Variants in GRK6 observed in about 807,000 individuals in gnomAD.
The protein encoded by GRK6 is G protein-coupled receptor kinase 6.
A neutral mutation model predicts 80.8 loss-of-function variants in GRK6; 37 were observed. That is an observed-to-expected ratio of 0.46 (90% CI 0.35 to 0.60). GRK6 has a LOEUF of 0.60. Among genes scored for constraint, GRK6 ranks in the 20% least tolerant of loss-of-function variants. The pLI is 0.00. For synonymous variants in GRK6, 295 were observed against 320.9 expected, an observed-to-expected ratio of 0.92 and a Z score of 0.86; for missense variants, 560 against 784.6, an observed-to-expected ratio of 0.71 and a Z score of 3.42.
chr5:177,431,212 T>G (rs1183710980), intron 2 of GRK6, among the ~76,000 whole-genome samples: 1 of 152,162 alleles, frequency 6.6e-6, no homozygotes, highest in Non-Finnish European at 1.5e-5. Flanking sequence ...CAGGGGCAGA[T>G]TGGGGCAGTT....
At chr5:177,441,157 A>T in intron 15 of GRK6, 104 bp downstream of exon 15, 1 of 1,513,646 alleles carries the variant, frequency 6.6e-7, no homozygotes, top group South Asian at 1.2e-5. Context: ...GGCGTCCTCC[A>T]GTCCTGTTGT....
At chr5:177,425,963 T>G (rs975526878), upstream of GRK6, among the ~76,000 whole-genome samples, 1 of 152,220 alleles carries the variant, frequency 6.6e-6, no homozygotes, top group African/African-American at 2.4e-5. Context: ...CGCTGCCTTA[T>G]AAGGCGGCAG....
chr5:177,436,618 T>C, intron 13 of GRK6, 88 bp downstream of exon 13: 2 of 1,273,390 alleles, frequency 1.6e-6, no homozygotes, highest in Non-Finnish European at 2.2e-6. Flanking sequence ...ATGCTTCCAG[T>C]GCAAGTGGCA....
intron 11 of GRK6, 54 bp from the exon 12 acceptor site, chr5:177,436,019 G>A (rs1764130410): frequency 2.0e-6 from 3 of 1,502,850 alleles, no homozygotes; most frequent in Non-Finnish European, 2.8e-6. Flanking sequence ...CCTGGGGCCT[G>A]AGGGTCCACT....
intron 3 of GRK6, 50 bp downstream of exon 3, chr5:177,432,157 C>A (rs1395226270): frequency 1.9e-5 from 31 of 1,606,496 alleles, no homozygotes; most frequent in Non-Finnish European, 2.5e-5. Flanking sequence ...GAGGTCCTGG[C>A]CCCATGTGCC....
Position 177,435,069 on chromosome 5 carries a change from T to C in GRK6, c.1005T>C (p.His335=). Residue 335 remains histidine, a synonymous_variant, in exon 11 of 16, where the codon CAT becomes CAC. Coordinates refer to ENST00000355472, the MANE Select transcript of GRK6 (RefSeq NM_001004106.3). ...TCTCTGACCTGGGACTAGCTGTGCA[T>C]GTGCCCGAGGGCCAGACCATCAAAG... The part of the protein sequence containing the change: ...IRISDLGLAV[H]VPEGQTIKGR... The C allele has an allele frequency of 6.2e-7, 1 of 1,612,478 alleles. No individual in the cohort carries two copies.
intron 13 of GRK6, among the ~76,000 whole-genome samples, chr5:177,439,265 G>T (rs748029871): frequency 6.6e-6 from 1 of 152,136 alleles, no homozygotes; most frequent in East Asian, 1.9e-4. Context: ...TCGGCTGGGC[G>T]TGGTGGCTCA....
At chr5:177,437,197 C>T (rs1764199998) in intron 13 of GRK6, among the ~76,000 whole-genome samples, 1 of 152,138 alleles carries the variant, frequency 6.6e-6, no homozygotes, top group South Asian at 2.1e-4. Flanking sequence ...TCAGGTGATC[C>T]TCTTGCCTCG....
rs945261941 is a variant in GRK6, at chr5:177,431,995, A to G, written c.149A>G (p.Glu50Gly). ...SQCEELRLSL[E>G]RDYHSLCERQ... is the part of the protein sequence containing the mutation. Reference sequence around the variant, plus strand: ...CAGCAGCTTCCATCACTGCCAACAGAGCGTGACTATCACAGCCTGTGCGAG... The same window carrying G: ...CAGCAGCTTCCATCACTGCCAACAGGGCGTGACTATCACAGCCTGTGCGAG... Residue 50 changes from glutamate (E) to glycine (G), a missense_variant and splice_region_variant, in exon 3 of 16, where the codon GAG (glutamate) becomes GGG (glycine). This residue lies in a region of GRK6 where 189 missense variants were observed against 230.2 expected (regional missense o/e 0.82). Transcript: ENST00000355472. 5 of 1,612,726 alleles carry G rather than the reference A, an allele frequency of 3.1e-6. No homozygotes were observed. Among genetic ancestry groups the G allele is most frequent in the South Asian group, 1.1e-5 (1 of 91,082 alleles).
At chr5:177,426,524 G>A (rs1258708405), upstream of GRK6, 1 of 152,110 alleles carries the variant, frequency 6.6e-6, no homozygotes, top group Non-Finnish European at 1.5e-5. Flanking sequence ...ACTTCTTTGA[G>A]CGAGTCCCCA....
chr5:177,427,914 C>CCACGTTTCCCACA (rs1763735314), intron 1 of GRK6, among the ~76,000 whole-genome samples: 1 of 152,220 alleles, frequency 6.6e-6, no homozygotes, highest in Non-Finnish European at 1.5e-5. Flanking sequence ...GAGGCTCAAA[C>CCACGTTTCCCACA]CAGGGATTAG....
intron 4 of GRK6, 38 bp from the exon 5 acceptor site, chr5:177,432,668 G>A (rs1293060689): frequency 1.4e-6 from 2 of 1,401,972 alleles, no homozygotes; most frequent in Non-Finnish European, 2.0e-6. Flanking sequence ...GCCATCCAAG[G>A]GAGCCCCTGC....
chr5:177,430,753 G>A (rs1763853005), intron 1 of GRK6, 119 bp from the exon 2 acceptor site: 1 of 778,040 alleles, frequency 1.3e-6, no homozygotes, highest in Admixed American at 2.1e-5. Flanking sequence ...AAGGCCTGAG[G>A]TGCTGTTCTG....
chr5:177,433,007 G>A (rs1045688485), intron 5 of GRK6, 140 bp from the exon 6 acceptor site: 92 of 804,920 alleles, frequency 1.1e-4, no homozygotes, highest in African/African-American at 1.0e-3. Context: ...GTGTCTCCCC[G>A]CTCAGGGGTT....
rs771139234 is a variant in GRK6 at position 177,432,070 on chromosome 5, C to T, written c.224C>T (p.Pro75Leu). 9.9e-6 allele frequency: 16 copies of T among 1,612,410 alleles called. No homozygotes were observed. Among genetic ancestry groups the T allele is most frequent in the South Asian group, 3.3e-5 (3 of 90,992 alleles). The change falls in exon 3 of 16, where the codon CCG becomes CTG. Residue 75 changes from proline (P) to leucine (L), a missense_variant. Pro to Leu is a moderately conservative substitution (Grantham distance 98). Transcript: ENST00000355472. ...TTCCGAGAGTTCTGTGCCACGAGGCCGGAGCTGAGCCGCTGCGTCGCCTTC... is the reference window on the plus strand; with the variant it reads ...TTCCGAGAGTTCTGTGCCACGAGGCTGGAGCTGAGCCGCTGCGTCGCCTTC... ...LLFREFCATR[P>L]ELSRCVAFLD...
rs1561655144 is a variant in GRK6 at position 177,433,517 on chromosome 5, CCTGT to C, written c.598-11_598-8del. Reference sequence around the variant, plus strand: ...ATGGCACAGCTGGCCCCCATTCGCCCCTGTCTGTCTGGCCACAGGTGTGCGCCTG... The same window carrying C: ...ATGGCACAGCTGGCCCCCATTCGCCCCTGTCTGGCCACAGGTGTGCGCCTG... On this transcript the variant is annotated splice_polypyrimidine_tract_variant and intron_variant, in intron 7 of 15. Coordinates refer to ENST00000355472, the MANE Select transcript of GRK6 (RefSeq NM_001004106.3). 1.1e-5 allele frequency: 17 copies of C among 1,613,826 alleles called. No individual in the cohort carries two copies. The highest frequency in any genetic ancestry group is 1.7e-5 in the Admixed American group (1 of 60,014).
chr5:177,431,950 G>A (rs1034794730), intron 2 of GRK6, 45 bp from the exon 3 acceptor site: 3 of 1,559,250 alleles, frequency 1.9e-6, no homozygotes, highest in East Asian at 4.5e-5. Context: ...CCCCACCCAT[G>A]TGCTCTCGGG....
rs1366431155 is a variant in GRK6, at chr5:177,429,893, A to G, written c.53-979A>G. Among the ~76,000 whole-genome samples the G allele has an allele frequency of 1.3e-5, 2 of 152,238 alleles. No individual in the cohort carries two copies. Among genetic ancestry groups the G allele is most frequent in the Non-Finnish European group, 2.9e-5 (2 of 68,040 alleles). On this transcript the variant is annotated intron_variant, in intron 1 of 15. Transcript: ENST00000355472. This position sits in a 1 kb window ranked among gnomAD's most constrained non-coding sequence, Gnocchi z 4.3. ...GTTCACAGATAGCGAGTGATGGGCC[A>G]CAGTGTGAATCAGAGATTCAGACCC...
In GRK6 at chr5:177,430,562, C is replaced by G. The variant is rs113473593; in HGVS notation, c.53-310C>G. The G allele has an allele frequency of 1.1e-5, 4 of 376,630 alleles. No individual in the cohort carries two copies. The Admixed American group carries it at 1.3e-4, about 12-fold the overall frequency. The allele number at this position is 376,630 out of a possible 1,614,324, so 23.3% of individuals were successfully genotyped here. ...TGACGTCCTTCTCCCCTTTCTTCAC[C>G]GGGGGAACTCCTACCTGGCGGGAAG... is the stretch of plus-strand genomic sequence containing the variant. On this transcript the variant is annotated intron_variant, in intron 1 of 15. Coordinates refer to ENST00000355472, the MANE Select transcript of GRK6 (RefSeq NM_001004106.3).
Sources: allele counts gnomAD v4.1 joint callset (sites outside exome capture counted in the v4.1 genomes callset), GRCh38; gene constraint gnomAD v4.1.1; regional missense constraint gnomAD v4.1.1; non-coding constraint Gnocchi (gnomAD v3.1); transcripts MANE v1.5; gene names NCBI Gene and HGNC (gene_info 2026-07-23, HGNC 2026-07-21).